Variants in CMIP observed in about 807,000 individuals in gnomAD.
CMIP encodes the protein C-Maf-inducing protein.
A neutral mutation model predicts 97.3 loss-of-function variants in CMIP; 13 were observed. The observed-to-expected ratio is 0.13, with a 90% confidence interval of 0.09 to 0.21. The LOEUF (loss-of-function observed/expected upper bound fraction) is 0.21, where lower values mean the gene tolerates loss of function less well. Among genes scored for constraint, CMIP ranks in the 10% least tolerant of loss-of-function variants. CMIP has a pLI of 1.00. For synonymous variants in CMIP, 538 were observed against 436.3 expected, an observed-to-expected ratio of 1.23 and a Z score of -2.91; for missense variants, 847 against 1,024.9, an observed-to-expected ratio of 0.83 and a Z score of 2.37.
At position 81,661,016 on chromosome 16, in the gene CMIP, G is replaced by A. The variant is rs2092539925; in HGVS notation, c.744+70G>A. ...CCCTCTGTGCGCATACCAGGGATTG[G>A]GTTTGCACAGAAAGGCCAAAAACCT... is the stretch of plus-strand genomic sequence containing the variant. On this transcript the variant is annotated intron_variant, in intron 6 of 20. Coordinates refer to ENST00000537098, the MANE Select transcript of CMIP (RefSeq NM_198390.3). The A allele has an allele frequency of 4.4e-6, 7 of 1,597,856 alleles. 1 individual carries two copies. In the South Asian group the frequency reaches 7.7e-5, roughly 18 times the overall value.
chr16:81,538,660 G>T (rs2090391811), intron 1 of CMIP, among the ~76,000 whole-genome samples: 2 of 152,164 alleles, frequency 1.3e-5, no homozygotes, highest in Non-Finnish European at 2.9e-5. Context: ...TCTATCCTCT[G>T]CCATTTAAGC....
chr16:81,666,630 C>G (rs1240233345), intron 7 of CMIP: 2 of 152,134 alleles, frequency 1.3e-5, no homozygotes, highest in African/African-American at 4.8e-5. Flanking sequence ...TCACTTGTAA[C>G]GAGTACCCCC....
At chr16:81,468,891 G>C (rs998378550) in intron 1 of CMIP, among the ~76,000 whole-genome samples, 7 of 152,230 alleles carry the variant, frequency 4.6e-5, no homozygotes, top group Non-Finnish European at 7.3e-5. Flanking sequence ...AGTGGGCTGG[G>C]GGCTGGTGGA....
intron 1 of CMIP, among the ~76,000 whole-genome samples, chr16:81,504,646 A>G (rs2089672975): frequency 7.8e-6 from 1 of 127,904 alleles, no homozygotes; most frequent in Non-Finnish European, 1.7e-5. Context: ...CGTCTCAAAA[A>G]AAAAAAAAAA....
chr16:81,512,010 C>T (rs1204401517), intron 1 of CMIP, among the ~76,000 whole-genome samples: 1 of 152,116 alleles, frequency 6.6e-6, no homozygotes, highest in Non-Finnish European at 1.5e-5. Context: ...AAAAAATATA[C>T]AGTATCTCAC....
intron 1 of CMIP, among the ~76,000 whole-genome samples, chr16:81,581,237 A>G (rs1357069058): frequency 6.6e-6 from 1 of 152,150 alleles, no homozygotes; most frequent in African/African-American, 2.4e-5. Context: ...GGCCGTGAGC[A>G]TTCTTGTACA....
chr16:81,536,650 A>G (rs1472717303), intron 1 of CMIP, among the ~76,000 whole-genome samples: 1 of 152,174 alleles, frequency 6.6e-6, no homozygotes, highest in Non-Finnish European at 1.5e-5. Context: ...TGAAGTGGGT[A>G]GAACTTATTT....
chr16:81,563,822 T>C (rs1334619555), intron 1 of CMIP, among the ~76,000 whole-genome samples: 1 of 152,212 alleles, frequency 6.6e-6, no homozygotes, highest in African/African-American at 2.4e-5. Flanking sequence ...CTGATTCTGC[T>C]GAGGGAGGGT....
intron 1 of CMIP, among the ~76,000 whole-genome samples, chr16:81,537,106 C>G (rs1337601206): frequency 6.6e-6 from 1 of 152,192 alleles, no homozygotes; most frequent in Non-Finnish European, 1.5e-5. Context: ...ACTTCAGGAC[C>G]AGTCATGGCA....
intron 1 of CMIP, among the ~76,000 whole-genome samples, chr16:81,458,300 G>C (rs996782837): frequency 8.5e-5 from 13 of 152,166 alleles, no homozygotes; most frequent in African/African-American, 3.1e-4. Context: ...TAAAAAGCAA[G>C]GTTCTGGAGT....
In CMIP at chr16:81,470,307, A is replaced by G. The variant is rs538597214; in HGVS notation, c.300+24766A>G. Among the ~76,000 whole-genome samples the G allele has an allele frequency of 2.6e-5, 4 of 152,082 alleles. No individual in the cohort carries two copies. In the South Asian group the frequency reaches 8.3e-4, roughly 32 times the overall value. On this transcript the variant is annotated intron_variant, in intron 1 of 20. Transcript: ENST00000537098. ...GGTGCCCCATCCAGGCGCCCCGTCC[A>G]GGCAGCTTGGGTCCAGAGCCTTCTT...
intron 1 of CMIP, among the ~76,000 whole-genome samples, chr16:81,549,608 G>A (rs1227777510): frequency 1.3e-5 from 2 of 152,162 alleles, no homozygotes; most frequent in African/African-American, 4.8e-5. Context: ...CTGAGAGGCG[G>A]GGCTGAGACC....
intron 7 of CMIP, chr16:81,665,763 C>T (rs1230949139): frequency 2.6e-5 from 4 of 152,280 alleles, no homozygotes; most frequent in Non-Finnish European, 5.9e-5. Context: ...GTGCATGACA[C>T]ATGTGCTCCT....
At chr16:81,648,712 G>A (rs1451213693) in intron 3 of CMIP, among the ~76,000 whole-genome samples, 1 of 148,084 alleles carries the variant, frequency 6.8e-6, no homozygotes, top group African/African-American at 2.5e-5. Flanking sequence ...GAACCTGGGA[G>A]GTGGAGATTA....
chr16:81,466,140 A>C (rs533141359), intron 1 of CMIP, among the ~76,000 whole-genome samples: 3 of 152,192 alleles, frequency 2.0e-5, no homozygotes, highest in African/African-American at 7.2e-5. Flanking sequence ...AGCTTGCTGC[A>C]GCCTCAGCTT....
chr16:81,609,397 C>A (rs2091794426), intron 2 of CMIP, among the ~76,000 whole-genome samples: 1 of 152,154 alleles, frequency 6.6e-6, no homozygotes, highest in East Asian at 1.9e-4. Context: ...ATGGGGCGGG[C>A]AATCACAGGG....
rs76606539 is a variant in CMIP at position 81,542,842 on chromosome 16, G to C, written c.301-64725G>C. ...ACCTCCACATACCATCACATTGCAGGGTCGGGGGTTCAACAGAGGAATTTC... is the reference window on the plus strand; with the variant it reads ...ACCTCCACATACCATCACATTGCAGCGTCGGGGGTTCAACAGAGGAATTTC... On this transcript the variant is annotated intron_variant, in intron 1 of 20. Transcript: ENST00000537098. 6.9e-3 allele frequency among the ~76,000 whole-genome samples: 1,056 copies of C among 152,298 alleles called. 13 individuals carry two copies. Among genetic ancestry groups the C allele is most frequent in the African/African-American group, 0.024 (977 of 41,558 alleles).
chr16:81,659,335 G>A lies in CMIP; in HGVS notation c.681+1519G>A, dbSNP rs888022103. Among the ~76,000 whole-genome samples the A allele has an allele frequency of 8.6e-5, 13 of 151,940 alleles. No homozygotes were observed. In the South Asian group the frequency reaches 2.6e-3, roughly 30 times the overall value. Reference sequence around the variant, plus strand: ...CAACAGATAATACAAAAATAACATGGCCAAGGGCTGAGGTTTGTTCTGGGT... The same window carrying A: ...CAACAGATAATACAAAAATAACATGACCAAGGGCTGAGGTTTGTTCTGGGT... On this transcript the variant is annotated intron_variant, in intron 5 of 20. Transcript: ENST00000537098.
At chr16:81,573,291 C>G (rs1342927969) in intron 1 of CMIP, among the ~76,000 whole-genome samples, 3 of 151,654 alleles carry the variant, frequency 2.0e-5, no homozygotes, top group African/African-American at 7.3e-5. Flanking sequence ...TTGCAGTGAG[C>G]CGAGATCGCG....
Sources: allele counts gnomAD v4.1 joint callset (sites outside exome capture counted in the v4.1 genomes callset), GRCh38; gene constraint gnomAD v4.1.1; transcripts MANE v1.5; gene names NCBI Gene and HGNC (gene_info 2026-07-23, HGNC 2026-07-21).